The following GABRB2 variants were observed in gnomAD, a reference collection of about 807,000 sequenced individuals.
The protein encoded by GABRB2 is gamma-aminobutyric acid receptor subunit beta-2.
Under a neutral mutation model 54.7 loss-of-function variants are expected in GABRB2, and 16 were observed. The ratio of observed to expected loss-of-function variants is 0.29; its 90% confidence interval spans 0.20 to 0.44. The LOEUF is 0.44. GABRB2 is among the 20% of genes least tolerant of loss of function. GABRB2 has a pLI of 1.00. For synonymous variants in GABRB2, 244 were observed against 233.8 expected (o/e 1.04, Z -0.40); for missense variants, 355 against 644.0 (o/e 0.55, Z 4.86).
chr5:161,444,149 C>A (rs1184603989), intron 4 of GABRB2, among the ~76,000 whole-genome samples: 1 of 152,096 alleles, frequency 6.6e-6, no homozygotes, highest in Non-Finnish European at 1.5e-5. Flanking sequence ...ATTCTCCTTT[C>A]ATTCCTTACA....
At chr5:161,457,981 G>C (rs566970392) in intron 4 of GABRB2, among the ~76,000 whole-genome samples, 2 of 152,274 alleles carry the variant, frequency 1.3e-5, no homozygotes, top group East Asian at 3.9e-4. Context: ...AAGATGAAGT[G>C]ATATGATGGA....
intron 5 of GABRB2, among the ~76,000 whole-genome samples, chr5:161,390,856 C>T (rs756392665): frequency 2.6e-5 from 4 of 152,132 alleles, no homozygotes; most frequent in Non-Finnish European, 5.9e-5. Context: ...TATGTTCTTG[C>T]TTCTAAACCA....
intron 9 of GABRB2, among the ~76,000 whole-genome samples, chr5:161,317,928 T>A (rs959966493): frequency 3.9e-5 from 6 of 152,046 alleles, no homozygotes; most frequent in African/African-American, 1.4e-4. Flanking sequence ...ATACCCATTA[T>A]AAACTGCAAA....
At chr5:161,359,926 C>G (rs1462306705) in intron 5 of GABRB2, among the ~76,000 whole-genome samples, 1 of 151,982 alleles carries the variant, frequency 6.6e-6, no homozygotes, top group Admixed American at 6.6e-5. Context: ...ACTAAAAATA[C>G]AGAAATTAGC....
intron 4 of GABRB2, among the ~76,000 whole-genome samples, chr5:161,440,583 AAGGCAAATATTATT>A (rs1173638239): frequency 6.6e-6 from 1 of 152,184 alleles, no homozygotes; most frequent in Non-Finnish European, 1.5e-5. Context: ...CCAGATACAT[AAGGCAAATATTATT>A]AGAAGCAAAC....
chr5:161,413,928 T>C (rs1756591485), intron 4 of GABRB2, among the ~76,000 whole-genome samples: 1 of 152,304 alleles, frequency 6.6e-6, no homozygotes, highest in East Asian at 1.9e-4. Context: ...CTAGCATCCG[T>C]GAACTGGTGC....
intron 9 of GABRB2, among the ~76,000 whole-genome samples, chr5:161,309,245 C>T (rs1757788471): frequency 6.6e-6 from 1 of 152,030 alleles, no homozygotes; most frequent in South Asian, 2.1e-4. Context: ...GGCCAATAAT[C>T]ATATGAAAAA....
At chr5:161,433,912 T>G (rs1757244035) in intron 4 of GABRB2, among the ~76,000 whole-genome samples, 1 of 152,122 alleles carries the variant, frequency 6.6e-6, no homozygotes, top group Non-Finnish European at 1.5e-5. Context: ...AAAAAAGAGT[T>G]AAACTTCTTA....
Position 161,293,971 on chromosome 5 carries a change from A to G in GABRB2, c.*110T>C, listed in dbSNP as rs1757304239. 6.0e-6 allele frequency: 5 copies of G among 833,726 alleles called. No homozygotes were observed. The Admixed American group carries it at 1.3e-4, about 22-fold the overall frequency. 51.6% of individuals were successfully genotyped at this position (833,726 alleles called of 1,614,324 possible). A position where few individuals can be genotyped will look rare whatever the true frequency, so the allele number is the denominator to read the frequency against. ...CACAGGATAGGCCAGCAACTAAGGT[A>G]TTTTAGCGTCACTTTTGTCCTGGAT... On this transcript the variant is annotated 3_prime_UTR_variant, in exon 10 of 10. Coordinates refer to ENST00000393959, the MANE Select transcript of GABRB2 (RefSeq NM_001371727.1).
At chr5:161,411,162 T>A in intron 4 of GABRB2, 105 bp from the exon 5 acceptor site, 1 of 799,088 alleles carries the variant, frequency 1.3e-6, no homozygotes, top group Non-Finnish European at 2.1e-6. Context: ...CCCTAAGTAC[T>A]AATGAAAATG....
intron 4 of GABRB2, among the ~76,000 whole-genome samples, chr5:161,450,422 C>G (rs1222169805): frequency 6.6e-6 from 1 of 152,100 alleles, no homozygotes; most frequent in Non-Finnish European, 1.5e-5. Flanking sequence ...AAAATGAGCC[C>G]TGGATTATTT....
intron 5 of GABRB2, among the ~76,000 whole-genome samples, chr5:161,405,825 T>C (rs1216125019): frequency 1.3e-5 from 2 of 152,072 alleles, no homozygotes; most frequent in Admixed American, 6.6e-5. Context: ...AATGCTTCAA[T>C]ATATCAATCT....
chr5:161,525,937 T>C (rs567663625), intron 3 of GABRB2, among the ~76,000 whole-genome samples: 6 of 151,348 alleles, frequency 4.0e-5, no homozygotes, highest in Non-Finnish European at 5.9e-5. Flanking sequence ...TCTACATGTA[T>C]GACAACGAAA....
At chr5:161,492,857 C>A (rs1379637479) in intron 3 of GABRB2, among the ~76,000 whole-genome samples, 1 of 151,704 alleles carries the variant, frequency 6.6e-6, no homozygotes, top group Admixed American at 6.6e-5. Context: ...TGTGAGTTTA[C>A]TTTACTCTTT....
At chr5:161,315,965 C>A (rs114161236) in intron 9 of GABRB2, among the ~76,000 whole-genome samples, 1,819 of 152,080 alleles carry the variant, frequency 0.012, 35 homozygotes, top group African/African-American at 0.041. Flanking sequence ...CTTGTTAAAG[C>A]GAATAGGTTT....
At chr5:161,412,588 C>A (rs1350473888) in intron 4 of GABRB2, among the ~76,000 whole-genome samples, 2 of 152,198 alleles carry the variant, frequency 1.3e-5, no homozygotes, top group Admixed American at 1.3e-4. Flanking sequence ...TTCAATGGCT[C>A]TTCCAAGATG....
intron 3 of GABRB2, among the ~76,000 whole-genome samples, chr5:161,520,991 A>G (rs964088001): frequency 1.3e-5 from 2 of 152,014 alleles, no homozygotes; most frequent in African/African-American, 4.8e-5. Flanking sequence ...AAGGAGGTCT[A>G]TGTCTTGTTG....
chr5:161,381,796 C>T (rs1363697), intron 5 of GABRB2, among the ~76,000 whole-genome samples: 101,012 of 152,012 alleles, frequency 0.66, 34,479 homozygotes, highest in South Asian at 0.76. Flanking sequence ...TATCTTTTAG[C>T]TTTGCAGTTT....
At chr5:161,460,271 T>C (rs1187272451) in intron 3 of GABRB2, among the ~76,000 whole-genome samples, 1 of 99,992 alleles carries the variant, frequency 1.0e-5, no homozygotes, top group Non-Finnish European at 2.2e-5. Flanking sequence ...TATATATATG[T>C]GTGTGTGTGT....
Sources: gnomAD v4.1 joint callset for allele counts (sites outside exome capture counted in the v4.1 genomes callset) on GRCh38, gnomAD v4.1.1 for gene constraint, MANE v1.5 for transcripts, NCBI Gene and HGNC (gene_info 2026-07-23, HGNC 2026-07-21) for gene names.